The following RANBP2 variants were observed in gnomAD, a reference collection of about 807,000 sequenced individuals.
RANBP2 encodes E3 SUMO-protein ligase RanBP2.
Under a neutral mutation model 303.6 loss-of-function variants are expected in RANBP2, and 57 were observed. The observed-to-expected ratio is 0.19, with a 90% CI of 0.15 to 0.23. RANBP2 has a LOEUF of 0.23. RANBP2 is among the 10% of genes least tolerant of loss of function. The pLI, the probability that RANBP2 is intolerant of heterozygous loss-of-function variation, is 1.00. For missense variants in RANBP2, 3,138 were observed against 3,780.8 expected (o/e 0.83, Z 4.46); for synonymous variants, 1,167 against 1,301.5 (o/e 0.90, Z 2.23).
At chr2:109,129,846 C>T in the RANBP2 span, 3 of 1,531,120 alleles carry the variant, frequency 2.0e-6, no homozygotes, top group South Asian at 2.4e-5. Context: ...TCCTGGTGGG[C>T]TGCGGCGTGG....
chr2:108,727,198 C>G (rs1457429107), intron 1 of RANBP2, among the ~76,000 whole-genome samples: 2 of 152,064 alleles, frequency 1.3e-5, no homozygotes, highest in African/African-American at 4.8e-5. Context: ...CCTCACTTCC[C>G]AGTAGGGGCG....
the RANBP2 span, among the ~76,000 whole-genome samples, chr2:109,264,213 G>T: frequency 8.7e-6 from 1 of 115,010 alleles, no homozygotes. Flanking sequence ...ACCTCCCCAG[G>T]ATCCACTCCG....
chr2:108,868,750 C>G, the RANBP2 span, among the ~76,000 whole-genome samples: 2 of 151,976 alleles, frequency 1.3e-5, no homozygotes, highest in Non-Finnish European at 2.9e-5. Flanking sequence ...GAGCCTTTGA[C>G]CATGACACAT....
chr2:108,757,385 G>C (rs1676399207), intron 17 of RANBP2, among the ~76,000 whole-genome samples: 1 of 152,176 alleles, frequency 6.6e-6, no homozygotes, highest in Non-Finnish European at 1.5e-5. Context: ...TTTGGAGTCA[G>C]ATCTGGTTCA....
chr2:109,636,053 C>G, the RANBP2 span, among the ~76,000 whole-genome samples: 1 of 152,228 alleles, frequency 6.6e-6, no homozygotes, highest in African/African-American at 2.4e-5. Context: ...GCTCCCTCTC[C>G]TCTTCCTCCA....
At chr2:108,721,430 A>G (rs1239678949) in intron 1 of RANBP2, among the ~76,000 whole-genome samples, 1 of 152,108 alleles carries the variant, frequency 6.6e-6, no homozygotes, top group African/African-American at 2.4e-5. Context: ...GAAATTAAAG[A>G]CTTTAATTTT....
the RANBP2 span, among the ~76,000 whole-genome samples, chr2:109,649,460 T>C: frequency 3.1e-3 from 471 of 152,120 alleles, 2 homozygotes; most frequent in African/African-American, 0.011. Context: ...TGCGGTGGCG[T>C]GATCTCGGGT....
the RANBP2 span, among the ~76,000 whole-genome samples, chr2:109,380,503 C>G: frequency 2.0e-5 from 3 of 152,200 alleles, no homozygotes; most frequent in Admixed American, 1.3e-4. Flanking sequence ...CTAAATGGGT[C>G]TAAGCTGGGA....
the RANBP2 span, among the ~76,000 whole-genome samples, chr2:109,375,116 C>G: frequency 1.3e-5 from 2 of 152,216 alleles, no homozygotes; most frequent in Non-Finnish European, 2.9e-5. Flanking sequence ...TCCACAGCCC[C>G]TGGCACCCAC....
the RANBP2 span, among the ~76,000 whole-genome samples, chr2:109,517,806 C>T: frequency 6.6e-6 from 1 of 152,222 alleles, no homozygotes; most frequent in African/African-American, 2.4e-5. Context: ...CCCACAAACA[C>T]GAGGCCTGGT....
chr2:108,947,699 G>T, the RANBP2 span, among the ~76,000 whole-genome samples: 24 of 152,166 alleles, frequency 1.6e-4, no homozygotes, highest in Non-Finnish European at 1.2e-4. Flanking sequence ...AGCTGGAGTG[G>T]CTGGGATGCA....
chr2:109,048,653 T>C, the RANBP2 span, among the ~76,000 whole-genome samples: 1 of 28,674 alleles, frequency 3.5e-5, no homozygotes, highest in African/African-American at 5.9e-5. Context: ...GTAAAATCAA[T>C]CTTTTTTTGG....
chr2:108,770,496 C>G (rs1677421352), intron 20 of RANBP2, among the ~76,000 whole-genome samples: 1 of 152,190 alleles, frequency 6.6e-6, no homozygotes, highest in Non-Finnish European at 1.5e-5. Flanking sequence ...TGGCTTGTGC[C>G]TATAATCCCA....
the RANBP2 span, among the ~76,000 whole-genome samples, chr2:109,197,706 CG>C: frequency 3.9e-5 from 6 of 152,192 alleles, no homozygotes; most frequent in African/African-American, 1.4e-4. Flanking sequence ...CCAGTAGGGC[CG>C]GGTGTGTGCC....
At chr2:109,614,552 C>T in the RANBP2 span, 34 of 1,324,868 alleles carry the variant, frequency 2.6e-5, no homozygotes, top group Non-Finnish European at 3.3e-5. Context: ...TGCTGCGCTT[C>T]CTGGCGGAGC....
At chr2:109,121,294 C>CAAA in the RANBP2 span, among the ~76,000 whole-genome samples, 1 of 138,284 alleles carries the variant, frequency 7.2e-6, no homozygotes, top group South Asian at 2.4e-4. Context: ...CAAAACAAAA[C>CAAA]AAGAAGTGAA....
the RANBP2 span, among the ~76,000 whole-genome samples, chr2:109,469,040 G>A: frequency 6.6e-6 from 1 of 151,662 alleles, no homozygotes; most frequent in Non-Finnish European, 1.5e-5. Flanking sequence ...TCAGGAGGCT[G>A]TGGGAGCAGG....
chr2:109,466,272 G>C, the RANBP2 span, among the ~76,000 whole-genome samples: 1 of 151,996 alleles, frequency 6.6e-6, no homozygotes, highest in Admixed American at 6.5e-5. Context: ...TAGTAGAGAC[G>C]GGGTTTCACT....
Position 108,768,257 on chromosome 2 carries a change from A to T in RANBP2, c.7718A>T (p.Glu2573Val), listed in dbSNP as rs1242396165. The T allele has an allele frequency of 6.2e-7, 1 of 1,611,908 alleles. No individual in the cohort carries two copies. The highest frequency in any genetic ancestry group is 8.5e-7 in the Non-Finnish European group (1 of 1,179,864). ...CAGAGTGGATCTGAAAGCAAAGTGG[A>T]ACCTAAAAAATGTGAACTGTCAAAG... ...VAQSGSESKVEPKKCELSKNS... is the reference protein window; with the variant it reads ...VAQSGSESKVVPKKCELSKNS... The change falls in exon 20 of 29, where the codon GAA becomes GTA. Residue 2573 changes from glutamate to valine, a missense_variant. Around this residue, in one of 20 missense-constraint regions of RANBP2, gnomAD observed 497 missense variants for 465.8 expected, o/e 1.07. Transcript: ENST00000283195.
Sources: allele counts gnomAD v4.1 joint callset (sites outside exome capture counted in the v4.1 genomes callset), GRCh38; gene constraint gnomAD v4.1.1; regional missense constraint gnomAD v4.1.1; transcripts MANE v1.5; gene names NCBI Gene and HGNC (gene_info 2026-07-23, HGNC 2026-07-21).